CNBP: variants seen among roughly 807,000 people sequenced by gnomAD.
CNBP encodes the protein cellular nucleic acid-binding protein.
A neutral mutation model predicts 21.2 loss-of-function variants in CNBP; 6 were observed. The ratio of observed to expected loss-of-function variants is 0.28; its 90% confidence interval spans 0.16 to 0.56. CNBP has a LOEUF of 0.56. Among genes scored for constraint, CNBP ranks in the 20% least tolerant of loss-of-function variants. The probability of loss-of-function intolerance (pLI) is 0.93; values close to 1 mark genes in which losing one functional copy is unlikely to be tolerated. For missense variants in CNBP, 112 were observed against 233.1 expected (o/e 0.48, Z 3.38); for synonymous variants, 61 against 74.9 (o/e 0.81, Z 0.96).
intron 1 of CNBP, among the ~76,000 whole-genome samples, chr3:129,175,560 G>C (rs1937847740): frequency 6.6e-6 from 1 of 151,256 alleles, no homozygotes; most frequent in African/African-American, 2.4e-5. Context: ...CTCCCACATA[G>C]CTGGGACTAC....
At chr3:129,170,980 G>A in intron 4 of CNBP, 99 bp downstream of exon 4, 1 of 1,278,714 alleles carries the variant, frequency 7.8e-7, no homozygotes, top group Non-Finnish European at 1.1e-6. Flanking sequence ...TCACAGCTAA[G>A]TTTCACTGAA....
In CNBP at chr3:129,169,697, C is replaced by CT. The variant is rs1161036131; in HGVS notation, c.*755dup. On this transcript the variant is annotated 3_prime_UTR_variant, in exon 5 of 5. Coordinates refer to ENST00000422453, the MANE Select transcript of CNBP (RefSeq NM_003418.5). ...ATTACAGCAAATGAAACACAGTTGT[C>CT]TAAGTGATATAGTATACAAAAATAA... 3 of 214,094 alleles carry CT rather than the reference C, an allele frequency of 1.4e-5. No individual in the cohort carries two copies. The highest frequency in any genetic ancestry group is 1.9e-5 in the Non-Finnish European group (2 of 105,898). 13.3% of individuals were successfully genotyped at this position (214,094 alleles called of 1,614,324 possible). A position where few individuals can be genotyped will look rare whatever the true frequency, so the allele number is the denominator to read the frequency against.
At position 129,170,300 on chromosome 3, in the gene CNBP, GT is replaced by G. The variant is rs1211593125; in HGVS notation, c.*152del. On this transcript the variant is annotated 3_prime_UTR_variant, in exon 5 of 5. Coordinates refer to ENST00000422453, the MANE Select transcript of CNBP (RefSeq NM_003418.5). ...TTTTGTAGTTAAATGCAGAAAGTCGGTTTTTTTCCACCCCTTTCCTCCTTTT... is the reference window on the plus strand; with the variant it reads ...TTTTGTAGTTAAATGCAGAAAGTCGGTTTTTTCCACCCCTTTCCTCCTTTT... The G allele has an allele frequency of 1.0e-5, 7 of 667,074 alleles. No homozygotes were observed. Among genetic ancestry groups the G allele is most frequent in the Admixed American group, 2.7e-5 (1 of 37,018 alleles). 41.3% of individuals were successfully genotyped at this position (667,074 alleles called of 1,614,324 possible). A position where few individuals can be genotyped will look rare whatever the true frequency, so the allele number is the denominator to read the frequency against.
chr3:129,172,905 G>A (rs1405152496), intron 1 of CNBP, among the ~76,000 whole-genome samples: 1 of 152,106 alleles, frequency 6.6e-6, no homozygotes, highest in Non-Finnish European at 1.5e-5. Context: ...TCGGAGTGAG[G>A]AGTCAGTGAA....
At position 129,179,466 on chromosome 3, in the gene CNBP, C is replaced by T. The variant is rs568973733; in HGVS notation, c.-15+4310G>A. ...CCATTTCCGCCTGCCCTGATTACTT[C>T]TTGAAGAGTTTTAACAGCTGGATAT... On this transcript the variant is annotated intron_variant, in intron 1 of 4. Transcript: ENST00000422453. Among the ~76,000 whole-genome samples, 4 of 152,258 alleles carry T rather than the reference C, an allele frequency of 2.6e-5. No homozygotes were observed. The South Asian group carries it at 8.3e-4, about 32-fold the overall frequency.
At position 129,171,626 on chromosome 3, in the gene CNBP, C is replaced by A. The variant is rs2107633796; in HGVS notation, c.124+8G>T. 1 of 1,614,156 alleles carries A rather than the reference C, an allele frequency of 6.2e-7. No individual in the cohort carries two copies. Among genetic ancestry groups the A allele is most frequent in the Non-Finnish European group, 8.5e-7 (1 of 1,180,008 alleles). ...AAGTACTTCAAATTTTTCTATTCGA[C>A]AAAATACCTCTATCCGAGGTAAAAC... On this transcript the variant is annotated splice_region_variant and intron_variant, in intron 2 of 4. Coordinates refer to ENST00000422453, the MANE Select transcript of CNBP (RefSeq NM_003418.5).
Position 129,172,680 on chromosome 3 carries a change from A to G in CNBP, c.-14-909T>C, listed in dbSNP as rs1325972108. 4.9e-3 allele frequency among the ~76,000 whole-genome samples: 566 copies of G among 115,168 alleles called. 16 individuals carry two copies. The highest frequency in any genetic ancestry group is 0.017 in the African/African-American group (484 of 29,118). 75.6% of individuals were successfully genotyped at this position (115,168 alleles called of 152,430 possible). On this transcript the variant is annotated intron_variant, in intron 1 of 4. Transcript: ENST00000422453. ...GGCAGACAGACAGACAGACAGACAG[A>G]CAGACAGACAGACAGACACACACAC...
chr3:129,172,669 CAG>C (rs1553787429), intron 1 of CNBP, among the ~76,000 whole-genome samples: 2 of 99,704 alleles, frequency 2.0e-5, no homozygotes, highest in Admixed American at 1.1e-4. Context: ...GACAGACAGA[CAG>C]ACAGACAGAC....
At chr3:129,178,594 G>A (rs920724557) in intron 1 of CNBP, among the ~76,000 whole-genome samples, 4 of 152,032 alleles carry the variant, frequency 2.6e-5, no homozygotes, top group Admixed American at 6.5e-5. Context: ...CTTACTTTTC[G>A]CAAGCTCAGG....
At chr3:129,178,830 C>T (rs539755416) in intron 1 of CNBP, among the ~76,000 whole-genome samples, 36 of 151,918 alleles carry the variant, frequency 2.4e-4, no homozygotes, top group Non-Finnish European at 2.9e-4. Context: ...GCAAGCTCCA[C>T]CTCCCAGGTT....
Position 129,182,031 on chromosome 3 carries a change from G to A in CNBP, c.-15+1745C>T, listed in dbSNP as rs533644709. Reference sequence around the variant, plus strand: ...ATTAGAAGCATTTAAAACTATTTAGGAGGGGGGAGGGGGAAGCCCAGGAGA... The same window carrying A: ...ATTAGAAGCATTTAAAACTATTTAGAAGGGGGGAGGGGGAAGCCCAGGAGA... On this transcript the variant is annotated intron_variant, in intron 1 of 4. Coordinates refer to ENST00000422453, the MANE Select transcript of CNBP (RefSeq NM_003418.5). Among the ~76,000 whole-genome samples the A allele has an allele frequency of 3.9e-5, 6 of 152,052 alleles. No individual in the cohort carries two copies. The South Asian group carries it at 6.2e-4, about 16-fold the overall frequency.
rs1446934164 is a variant in CNBP at position 129,171,287 on chromosome 3, T to C, written c.218-10A>G. ...CCGCAGTTATAGCAGGCTTCAACAA[T>C]AAGGAAAAGAAACAGGCCAAGACTA... On this transcript the variant is annotated splice_polypyrimidine_tract_variant and intron_variant, in intron 3 of 4. Coordinates refer to ENST00000422453, the MANE Select transcript of CNBP (RefSeq NM_003418.5). 1.2e-6 allele frequency: 2 copies of C among 1,614,022 alleles called. No individual in the cohort carries two copies. Among genetic ancestry groups the C allele is most frequent in the Non-Finnish European group, 1.7e-6 (2 of 1,179,938 alleles).
chr3:129,171,261 A>G lies in CNBP; in HGVS notation c.234T>C (p.Gly78=). ...DLQEDACYNC[G]RGGHIAKDCK... is the part of the protein sequence containing the mutation. ...AGTCCTTGGCAATGTGGCCACCTCT[A>G]CCGCAGTTATAGCAGGCTTCAACAA... The change falls in exon 4 of 5, where the codon GGT becomes GGC. Residue 78 remains glycine, a synonymous_variant. Transcript: ENST00000422453. The G allele has an allele frequency of 6.2e-7, 1 of 1,614,238 alleles. No homozygotes were observed. The highest frequency in any genetic ancestry group is 8.5e-7 in the Non-Finnish European group (1 of 1,180,042).
intron 4 of CNBP, 35 bp downstream of exon 4, chr3:129,171,044 A>G: frequency 6.3e-7 from 1 of 1,578,858 alleles, no homozygotes; most frequent in South Asian, 1.1e-5. Context: ...AATCTCTGCA[A>G]TGAGTTTTCT....
At chr3:129,183,174 T>A in intron 1 of CNBP, among the ~76,000 whole-genome samples, 1 of 152,102 alleles carries the variant, frequency 6.6e-6, no homozygotes, top group Non-Finnish European at 1.5e-5. Flanking sequence ...GGTCTCGAAC[T>A]CCTGACCTCG....
At chr3:129,178,465 T>A (rs979218913) in intron 1 of CNBP, among the ~76,000 whole-genome samples, 2 of 152,168 alleles carry the variant, frequency 1.3e-5, no homozygotes, top group African/African-American at 4.8e-5. Flanking sequence ...TAAAATAAAG[T>A]AGCAACAGGC....
intron 1 of CNBP, among the ~76,000 whole-genome samples, chr3:129,182,988 G>C (rs1370079199): frequency 6.6e-6 from 1 of 151,910 alleles, no homozygotes; most frequent in Non-Finnish European, 1.5e-5. Context: ...GTCTCTCTCT[G>C]TTGCCCATGC....
rs567591927 is a variant in CNBP, at chr3:129,169,636, C to T, written c.*817G>A. On this transcript the variant is annotated 3_prime_UTR_variant, in exon 5 of 5. Transcript: ENST00000422453. Reference sequence around the variant, plus strand: ...AAAATTACATTTCTATTTTCTAGGACTTCAGTTGCTCTTTCCATCTGACTT... The same window carrying T: ...AAAATTACATTTCTATTTTCTAGGATTTCAGTTGCTCTTTCCATCTGACTT... The T allele has an allele frequency of 1.1e-4, 24 of 209,900 alleles. No individual in the cohort carries two copies. Among genetic ancestry groups the T allele is most frequent in the Non-Finnish European group, 2.0e-4 (21 of 103,094 alleles). The allele number at this position is 209,900 out of a possible 1,614,324, so 13.0% of individuals were successfully genotyped here.
At chr3:129,172,666 A>G in intron 1 of CNBP, among the ~76,000 whole-genome samples, 3 of 114,120 alleles carry the variant, frequency 2.6e-5, no homozygotes, top group Non-Finnish European at 3.7e-5. Flanking sequence ...GCAGACAGAC[A>G]GACAGACAGA....
Sources: allele counts gnomAD v4.1 joint callset (sites outside exome capture counted in the v4.1 genomes callset), GRCh38; gene constraint gnomAD v4.1.1; transcripts MANE v1.5; gene names NCBI Gene and HGNC (gene_info 2026-07-23, HGNC 2026-07-21).